EML6: variants seen among roughly 807,000 people sequenced by gnomAD.
The protein encoded by EML6 is EMAP like 6, also known as echinoderm microtubule-associated protein-like 6.
Under a neutral mutation model 240.1 loss-of-function variants are expected in EML6, and 154 were observed. That is an observed-to-expected ratio of 0.64 (90% CI 0.56 to 0.73). EML6 has a LOEUF of 0.73. EML6 is among the 30% of genes least tolerant of loss of function. The pLI is 0.00. For missense variants in EML6, 2,964 were observed against 2,474.6 expected (o/e 1.20, Z -4.20); for synonymous variants, 1,148 against 899.0 (o/e 1.28, Z -4.95).
intron 7 of EML6, among the ~76,000 whole-genome samples, chr2:54,840,793 C>G (rs1572982822): frequency 6.6e-6 from 1 of 152,214 alleles, no homozygotes; most frequent in Non-Finnish European, 1.5e-5. Context: ...ACTCTCTTCA[C>G]AGACCTTTCT....
Position 54,797,164 on chromosome 2 carries a change from C to CAAA in EML6, c.198-16045_198-16043dup, listed in dbSNP as rs773498648. 2.2e-3 allele frequency among the ~76,000 whole-genome samples: 95 copies of CAAA among 43,790 alleles called. 12 individuals carry two copies. In the East Asian group the frequency reaches 0.057, roughly 26 times the overall value. 28.7% of individuals were successfully genotyped at this position (43,790 alleles called of 152,430 possible). On this transcript the variant is annotated intron_variant, in intron 2 of 41. Coordinates refer to ENST00000356458, the MANE Select transcript of EML6 (RefSeq NM_001039753.4). ...TGGGTGACAGAGCAAGACTCCATCT[C>CAAA]AAAAAAAAAAAAAAAAAAAAAAAAA...
chr2:54,767,234 T>A (rs1159271512), intron 2 of EML6, among the ~76,000 whole-genome samples: 2 of 152,140 alleles, frequency 1.3e-5, no homozygotes, highest in Admixed American at 6.5e-5. Flanking sequence ...TTTAACTCAG[T>A]ATTAACAGGA....
At chr2:54,885,290 A>T (rs897772265) in intron 17 of EML6, among the ~76,000 whole-genome samples, 1 of 151,952 alleles carries the variant, frequency 6.6e-6, no homozygotes, top group Admixed American at 6.6e-5. Flanking sequence ...TACTAAAAAT[A>T]TAAAAAATTA....
chr2:54,888,086 AAAAG>A (rs1175194649), intron 17 of EML6, among the ~76,000 whole-genome samples: 1 of 152,244 alleles, frequency 6.6e-6, no homozygotes, highest in Non-Finnish European at 1.5e-5. Context: ...AGCTTTTGTG[AAAAG>A]AAAGACTTTA....
At position 54,869,228 on chromosome 2, in the gene EML6, GAGA is replaced by G; in HGVS notation, c.2102_2104del (p.Glu701del). The stretch of plus-strand genomic sequence containing the variant: ...AACAATCTGTTCTACACACAAGCTG[GAGA>G]AGTAGTCTACCACATTGCTGCAGTT... On this transcript the variant is annotated inframe_deletion, in exon 15 of 42. Coordinates refer to ENST00000356458, the MANE Select transcript of EML6 (RefSeq NM_001039753.4). 6.4e-7 allele frequency: 1 copy of G among 1,551,804 alleles called. No homozygotes were observed. Among genetic ancestry groups the G allele is most frequent in the Non-Finnish European group, 8.7e-7 (1 of 1,146,936 alleles).
At chr2:54,787,421 G>C (rs1422837248) in intron 2 of EML6, among the ~76,000 whole-genome samples, 1 of 152,150 alleles carries the variant, frequency 6.6e-6, no homozygotes, top group African/African-American at 2.4e-5. Flanking sequence ...TACAGACCTA[G>C]GTCTGAATCT....
chr2:54,813,320 C>G lies in EML6; in HGVS notation c.286C>G (p.Gln96Glu), dbSNP rs1030194040. Residue 96 changes from glutamine (Q) to glutamate (E), a missense_variant, in exon 3 of 42, where the codon CAG becomes GAG. Coordinates refer to ENST00000356458, the MANE Select transcript of EML6 (RefSeq NM_001039753.4). ...ATGCATATGGGATTCCTATAATGTC[C>G]AGACTGTGTCTCTTCTTAAAGATGT... ...YICIWDSYNVQTVSLLKDVHT... is the reference protein window; with the variant it reads ...YICIWDSYNVETVSLLKDVHT... 3.2e-6 allele frequency: 5 copies of G among 1,551,274 alleles called. No individual in the cohort carries two copies. The highest frequency in any genetic ancestry group is 4.4e-6 in the Non-Finnish European group (5 of 1,146,662).
intron 7 of EML6, among the ~76,000 whole-genome samples, chr2:54,838,849 T>G (rs1343242689): frequency 6.6e-6 from 1 of 152,196 alleles, no homozygotes; most frequent in Non-Finnish European, 1.5e-5. Context: ...GTGAAACGCC[T>G]TCAGTTCACA....
At chr2:54,787,489 G>A (rs553711299) in intron 2 of EML6, among the ~76,000 whole-genome samples, 3 of 152,242 alleles carry the variant, frequency 2.0e-5, no homozygotes, top group South Asian at 2.1e-4. Context: ...TCCGTGAGCC[G>A]CAGTATGTTT....
In EML6 at chr2:54,945,485, T is replaced by TCACACC. The variant is rs748451792; in HGVS notation, c.4005-3383_4005-3378dup. Among the ~76,000 whole-genome samples, 81 of 152,076 alleles carry TCACACC rather than the reference T, an allele frequency of 5.3e-4. 1 individual carries two copies. The highest frequency in any genetic ancestry group is 6.8e-4 in the Non-Finnish European group (46 of 67,960). ...TAGTTGGAACTGAGTTTCCCCACAC[T>TCACACC]CACACCCACACCCACACCCCTCTTT... is the stretch of plus-strand genomic sequence containing the variant. On this transcript the variant is annotated intron_variant, in intron 28 of 41. Transcript: ENST00000356458.
chr2:54,831,397 C>G (rs1668862311), intron 7 of EML6, among the ~76,000 whole-genome samples: 1 of 152,222 alleles, frequency 6.6e-6, no homozygotes, highest in Admixed American at 6.5e-5. Flanking sequence ...GCCTGGCTCT[C>G]CTGGGAGAGT....
intron 38 of EML6, among the ~76,000 whole-genome samples, chr2:54,965,828 A>G (rs946520929): frequency 6.6e-6 from 1 of 152,190 alleles, no homozygotes; most frequent in African/African-American, 2.4e-5. Context: ...TGACTCCTAA[A>G]CCATAATTTC....
At chr2:54,878,824 A>C (rs373949854) in intron 16 of EML6, among the ~76,000 whole-genome samples, 1 of 152,236 alleles carries the variant, frequency 6.6e-6, no homozygotes, top group African/African-American at 2.4e-5. Flanking sequence ...AAGATAAGAT[A>C]ACCTGTTCAT....
intron 2 of EML6, among the ~76,000 whole-genome samples, chr2:54,793,970 C>T (rs1195488489): frequency 1.3e-5 from 2 of 152,206 alleles, no homozygotes; most frequent in African/African-American, 2.4e-5. Context: ...TTACTGGTTT[C>T]CCTGAAATAG....
chr2:54,853,750 G>A lies in EML6; in HGVS notation c.1552G>A (p.Val518Ile). 1 of 1,551,362 alleles carries A rather than the reference G, an allele frequency of 6.4e-7. No individual in the cohort carries two copies. Among genetic ancestry groups the A allele is most frequent in the Non-Finnish European group, 8.7e-7 (1 of 1,146,704 alleles). The change falls in exon 11 of 42, where the codon GTT (valine) becomes ATT (isoleucine). Residue 518 changes from valine (V) to isoleucine (I), a missense_variant. By Grantham distance (29) the Val-to-Ile change is conservative. Coordinates refer to ENST00000356458, the MANE Select transcript of EML6 (RefSeq NM_001039753.4). ...TGGAATTTGGCCCAAATACACTGAG[G>A]TTACTGACATCAACTCAGTGGATGC... ...VSGIWPKYTE[V>I]TDINSVDANY...
At chr2:54,797,168 A>AAAAAAAAAAAAAAAAAAAAAAAAAC (rs1669841546) in intron 2 of EML6, among the ~76,000 whole-genome samples, 7 of 125,904 alleles carry the variant, frequency 5.6e-5, no homozygotes, top group Non-Finnish European at 1.3e-4. Flanking sequence ...CCATCTCAAA[A>AAAAAAAAAAAAAAAAAAAAAAAAAC]AAAAAAAAAA....
In EML6 at chr2:54,961,184, G is replaced by GTTGTTTTTTTTTTTTTTTTTTCTTTTT; in HGVS notation, c.4968+852_4968+853insGTTTTTTTTTTTTTTTTTTCTTTTTTT. ...GGAGCCTGGAAGTTATCAGGAAGTA[G>GTTGTTTTTTTTTTTTTTTTTTCTTTTT]TTTTTTTTTTTTTTTTTTTGAGACG... On this transcript the variant is annotated intron_variant, in intron 35 of 41. Transcript: ENST00000356458. 3.6e-5 allele frequency among the ~76,000 whole-genome samples: 2 copies of GTTGTTTTTTTTTTTTTTTTTTCTTTTT among 55,424 alleles called. 1 individual carries two copies. Among genetic ancestry groups the GTTGTTTTTTTTTTTTTTTTTTCTTTTT allele is most frequent in the East Asian group, 1.3e-3 (2 of 1,576 alleles). The allele number at this position is 55,424 out of a possible 152,430, so 36.4% of individuals were successfully genotyped here. A position where few individuals can be genotyped will look rare whatever the true frequency, so the allele number is the denominator to read the frequency against.
chr2:54,950,827 C>T (rs1353259167), intron 30 of EML6, 48 bp downstream of exon 30: 27 of 1,527,628 alleles, frequency 1.8e-5, no homozygotes, highest in African/African-American at 2.8e-5. Context: ...CTGTTTTTTA[C>T]ATGCTTTCCC....
At chr2:54,957,730 C>T (rs767885294) in intron 32 of EML6, 60 bp from the exon 33 acceptor site, 350 of 1,497,640 alleles carry the variant, frequency 2.3e-4, no homozygotes, top group Middle Eastern at 4.6e-4. Flanking sequence ...TGGGCTGCGG[C>T]TCCCCCGGCC....
Sources: allele counts gnomAD v4.1 joint callset (sites outside exome capture counted in the v4.1 genomes callset), GRCh38; gene constraint gnomAD v4.1.1; transcripts MANE v1.5; gene names NCBI Gene and HGNC (gene_info 2026-07-23, HGNC 2026-07-21).